Variants in SLC24A2 observed in about 807,000 individuals in gnomAD.
SLC24A2 encodes the protein sodium/potassium/calcium exchanger 2.
A neutral mutation model predicts 62.0 loss-of-function variants in SLC24A2; 36 were observed. That is an observed-to-expected ratio of 0.58 (90% confidence interval 0.44 to 0.77). SLC24A2 has a LOEUF of 0.77. SLC24A2 is among the 30% of genes least tolerant of loss of function. The probability of loss-of-function intolerance (pLI) is 0.00; values close to 1 mark genes in which losing one functional copy is unlikely to be tolerated. For missense variants in SLC24A2, 846 were observed against 817.9 expected, an observed-to-expected ratio of 1.03 and a Z score of -0.42; for synonymous variants, 358 against 294.0, an observed-to-expected ratio of 1.22 and a Z score of -2.23.
At chr9:20,163,600 A>G in the SLC24A2 span, among the ~76,000 whole-genome samples, 1 of 152,154 alleles carries the variant, frequency 6.6e-6, no homozygotes, top group African/African-American at 2.4e-5. Context: ...CAAGCTACCA[A>G]TGACTTTCTT....
chr9:19,682,561 C>A (rs113874386), intron 2 of SLC24A2, among the ~76,000 whole-genome samples: 1 of 152,056 alleles, frequency 6.6e-6, no homozygotes, highest in East Asian at 1.9e-4. Flanking sequence ...GCAGAAAACC[C>A]TGAGGAAAGG....
At chr9:19,813,605 C>T in the SLC24A2 span, among the ~76,000 whole-genome samples, 1 of 152,016 alleles carries the variant, frequency 6.6e-6, no homozygotes, top group Non-Finnish European at 1.5e-5. Flanking sequence ...AGGTATGAAC[C>T]ACCACGTCCA....
chr9:19,591,868 T>C (rs937950149), intron 5 of SLC24A2, among the ~76,000 whole-genome samples: 1 of 152,244 alleles, frequency 6.6e-6, no homozygotes, highest in African/African-American at 2.4e-5. Flanking sequence ...TAAAGCTATT[T>C]TGCCTGATGT....
intron 7 of SLC24A2, among the ~76,000 whole-genome samples, chr9:19,566,468 G>T (rs1408574451): frequency 6.7e-6 from 1 of 150,348 alleles, no homozygotes; most frequent in East Asian, 1.9e-4. Context: ...AACAACAGGT[G>T]CTGGAGAGGA....
the SLC24A2 span, among the ~76,000 whole-genome samples, chr9:20,097,409 T>C: frequency 2.0e-5 from 3 of 152,378 alleles, no homozygotes; most frequent in Middle Eastern, 3.4e-3. Context: ...GTCTTCAGTA[T>C]TGATATGAGT....
At chr9:19,834,080 C>T in the SLC24A2 span, among the ~76,000 whole-genome samples, 1 of 152,144 alleles carries the variant, frequency 6.6e-6, no homozygotes, top group Non-Finnish European at 1.5e-5. Flanking sequence ...ATCTGTACGT[C>T]ACCATCATCA....
At chr9:19,860,146 C>T in the SLC24A2 span, among the ~76,000 whole-genome samples, 39 of 152,252 alleles carry the variant, frequency 2.6e-4, no homozygotes, top group African/African-American at 9.4e-4. Context: ...TCATCCCTCC[C>T]CTAACCCTAA....
At chr9:19,563,820 TCCTTCCTCCCTC>T (rs1563968797) in intron 7 of SLC24A2, among the ~76,000 whole-genome samples, 45 of 92,684 alleles carry the variant, frequency 4.9e-4, no homozygotes, top group African/African-American at 1.2e-3. Flanking sequence ...CTTCCTTCCT[TCCTTCCTCCCTC>T]CCTCCCTCCC....
At chr9:19,910,727 T>G in the SLC24A2 span, among the ~76,000 whole-genome samples, 1 of 152,070 alleles carries the variant, frequency 6.6e-6, no homozygotes, top group African/African-American at 2.4e-5. Flanking sequence ...AGATTTATTT[T>G]TCAAAGCTCT....
intron 2 of SLC24A2, among the ~76,000 whole-genome samples, chr9:19,667,115 C>T (rs998790712): frequency 4.6e-5 from 7 of 152,156 alleles, no homozygotes; most frequent in African/African-American, 1.7e-4. Context: ...AAAAACACAA[C>T]CTCAATGATT....
At chr9:20,045,993 G>C in the SLC24A2 span, among the ~76,000 whole-genome samples, 5 of 152,268 alleles carry the variant, frequency 3.3e-5, no homozygotes, top group African/African-American at 1.2e-4. Context: ...AGGCAACAAA[G>C]AACAGGTCTA....
the SLC24A2 span, among the ~76,000 whole-genome samples, chr9:19,842,729 A>G: frequency 2.6e-5 from 4 of 152,182 alleles, no homozygotes; most frequent in Admixed American, 2.0e-4. Flanking sequence ...TACTGAACCA[A>G]TAGCTGTATT....
At chr9:19,603,538 T>TA (rs140198168) in intron 4 of SLC24A2, among the ~76,000 whole-genome samples, 6,357 of 152,166 alleles carry the variant, frequency 0.042, 345 homozygotes, top group African/African-American at 0.13. Context: ...GATGCTTCTG[T>TA]AAGCCACACT....
chr9:19,708,221 C>G lies in SLC24A2; in HGVS notation c.930+77716G>C, dbSNP rs138163003. On this transcript the variant is annotated intron_variant, in intron 2 of 10. Transcript: ENST00000341998. ...AGGGGATGTGAAGGACCTCTTCAAG[C>G]AGAACTACAAACCACTGCTCAAGGA... Among the ~76,000 whole-genome samples the G allele has an allele frequency of 8.1e-3, 1,237 of 152,140 alleles. 19 individuals are homozygous for G. Among genetic ancestry groups the G allele is most frequent in the African/African-American group, 0.028 (1,172 of 41,492 alleles).
At chr9:19,585,778 T>C (rs530244938) in intron 5 of SLC24A2, among the ~76,000 whole-genome samples, 5 of 152,318 alleles carry the variant, frequency 3.3e-5, no homozygotes, top group South Asian at 2.1e-4. Context: ...GCCATCCTGA[T>C]GCAAAGGGTA....
the SLC24A2 span, among the ~76,000 whole-genome samples, chr9:19,923,106 C>T: frequency 6.6e-6 from 1 of 151,706 alleles, no homozygotes; most frequent in Non-Finnish European, 1.5e-5. Context: ...GTATTGTGGG[C>T]CCTCCACACT....
chr9:20,057,174 G>C, the SLC24A2 span, among the ~76,000 whole-genome samples: 784 of 152,264 alleles, frequency 5.1e-3, 9 homozygotes, highest in African/African-American at 0.018. Flanking sequence ...CATATTCTCA[G>C]TGAAATTCTC....
In SLC24A2 at chr9:19,632,993, C is replaced by T. The variant is rs536328801; in HGVS notation, c.931-10694G>A. 2.6e-5 allele frequency among the ~76,000 whole-genome samples: 4 copies of T among 152,250 alleles called. No individual in the cohort carries two copies. The highest frequency in any genetic ancestry group is 6.5e-5 in the Admixed American group (1 of 15,286). ...CCATTCCCACACCTGCCTGCTAATC[C>T]CTGGCAACCACTATTCTGTTATCAA... On this transcript the variant is annotated intron_variant, in intron 2 of 10. Coordinates refer to ENST00000341998, the MANE Select transcript of SLC24A2 (RefSeq NM_020344.4). The surrounding 1 kb of genome is among the most constrained non-coding windows in gnomAD (Gnocchi z 4.5).
the SLC24A2 span, among the ~76,000 whole-genome samples, chr9:20,292,655 G>C: frequency 1.3e-5 from 2 of 152,198 alleles, no homozygotes; most frequent in Non-Finnish European, 2.9e-5. Flanking sequence ...ACTCAGGTTG[G>C]AGTGCAATGG....
Sources: allele counts gnomAD v4.1 joint callset (sites outside exome capture counted in the v4.1 genomes callset), GRCh38; gene constraint gnomAD v4.1.1; non-coding constraint Gnocchi (gnomAD v3.1); transcripts MANE v1.5; gene names NCBI Gene and HGNC (gene_info 2026-07-23, HGNC 2026-07-21).